CAMK1G: variants seen among roughly 807,000 people sequenced by gnomAD.
The protein encoded by CAMK1G is calcium/calmodulin-dependent protein kinase type 1G.
Under a neutral mutation model 54.8 loss-of-function variants are expected in CAMK1G, and 27 were observed. The ratio of observed to expected loss-of-function variants is 0.49; its 90% CI spans 0.36 to 0.68. The LOEUF (loss-of-function observed/expected upper bound fraction) is 0.68, where lower values mean the gene tolerates loss of function less well. Among genes scored for constraint, CAMK1G ranks in the 30% least tolerant of loss-of-function variants. CAMK1G has a pLI of 0.00. For synonymous variants in CAMK1G, 238 were observed against 224.9 expected, an observed-to-expected ratio of 1.06 and a Z score of -0.52; for missense variants, 512 against 591.0, an observed-to-expected ratio of 0.87 and a Z score of 1.39.
chr1:209,599,886 T>A, intron 2 of CAMK1G, 97 bp from the exon 3 acceptor site: 1 of 1,431,558 alleles, frequency 7.0e-7, no homozygotes, highest in South Asian at 1.2e-5. Context: ...GTCAGAGGAC[T>A]ATATAGACTC....
chr1:209,607,838 C>T lies in CAMK1G; in HGVS notation c.560-20C>T, dbSNP rs758658140. On this transcript the variant is annotated intron_variant, in intron 6 of 12. Coordinates refer to ENST00000361322, the MANE Select transcript of CAMK1G (RefSeq NM_020439.3). ...TCTCCTCTTGCCACCAGCCCTGACT[C>T]TGCCCTTGGTCTGCTGCAGCTCCAG... The T allele has an allele frequency of 1.3e-5, 21 of 1,608,474 alleles. No individual in the cohort carries two copies. Among genetic ancestry groups the T allele is most frequent in the Middle Eastern group, 1.7e-4 (1 of 6,048 alleles).
At chr1:209,599,802 C>T (rs1558138220) in intron 2 of CAMK1G, among the ~76,000 whole-genome samples, 181 bp from the exon 3 acceptor site, 1 of 152,150 alleles carries the variant, frequency 6.6e-6, no homozygotes, top group Non-Finnish European at 1.5e-5. Context: ...AATACAGGTT[C>T]CCCCCTTCCC....
intron 1 of CAMK1G, among the ~76,000 whole-genome samples, chr1:209,590,336 C>T (rs977110843): frequency 2.0e-5 from 3 of 152,066 alleles, no homozygotes; most frequent in South Asian, 4.2e-4. Flanking sequence ...AGTCTTGAGG[C>T]GATCACTCTG....
intron 1 of CAMK1G, among the ~76,000 whole-genome samples, chr1:209,588,448 TC>T (rs1363470305): frequency 1.3e-5 from 2 of 152,052 alleles, no homozygotes; most frequent in Non-Finnish European, 2.9e-5. Context: ...AACGTGATGC[TC>T]CTAAGACTCT....
chr1:209,604,932 T>A (rs1320824826), intron 4 of CAMK1G, among the ~76,000 whole-genome samples: 1 of 152,106 alleles, frequency 6.6e-6, no homozygotes, highest in Admixed American at 6.5e-5. Flanking sequence ...ACTAGAAAAC[T>A]TCTAGGCAAA....
chr1:209,594,955 C>T lies in CAMK1G; in HGVS notation c.-29C>T. On this transcript the variant is annotated splice_region_variant and 5_prime_UTR_variant, in exon 2 of 13. Transcript: ENST00000361322. ...CCTTCTCCCACTCCCTGCAATAAAG[C>T]ATCCTCAGAAGCTTCAACTCTGGAG... 6.3e-7 allele frequency: 1 copy of T among 1,599,316 alleles called. No homozygotes were observed.
At chr1:209,584,236 C>T (rs1665037444) in intron 1 of CAMK1G, among the ~76,000 whole-genome samples, 1 of 152,164 alleles carries the variant, frequency 6.6e-6, no homozygotes, top group African/African-American at 2.4e-5. Context: ...TATGCCCTCT[C>T]TGCCGACCTC....
intron 4 of CAMK1G, among the ~76,000 whole-genome samples, chr1:209,604,076 ACT>A (rs1665590120): frequency 3.3e-5 from 5 of 152,222 alleles, no homozygotes; most frequent in Admixed American, 3.3e-4. Context: ...ACATACACGC[ACT>A]CACACACCAC....
Position 209,595,011 on chromosome 1 carries a change from A to C in CAMK1G, c.28A>C (p.Ser10Arg). The change falls in exon 2 of 13, where the codon AGT becomes CGT. Residue 10 changes from serine (S) to arginine (R), a missense_variant. Ser to Arg is a moderately radical substitution (Grantham distance 110, BLOSUM62 -1). Transcript: ENST00000361322. MGRKEEDDC[S>R]SWKKQTTNIR... ...GGGTCGAAAGGAAGAAGATGACTGC[A>C]GTTCCTGGAAGAAACAGACCACCAA... 1 of 1,614,120 alleles carries C rather than the reference A, an allele frequency of 6.2e-7. No homozygotes were observed. Among genetic ancestry groups the C allele is most frequent in the Non-Finnish European group, 8.5e-7 (1 of 1,180,004 alleles).
At position 209,607,872 on chromosome 1, in the gene CAMK1G, G is replaced by T. The variant is rs1665689594; in HGVS notation, c.574G>T (p.Ala192Ser). ...GTCTGCTGCAGCTCCAGAAGTGCTGGCCCAGAAACCCTACAGCAAGGCTGT... is the reference window on the plus strand; with the variant it reads ...GTCTGCTGCAGCTCCAGAAGTGCTGTCCCAGAAACCCTACAGCAAGGCTGT... ...TPGYVAPEVL[A>S]QKPYSKAVDC... Residue 192 changes from alanine to serine, a missense_variant, in exon 7 of 13, where the codon GCC (alanine) becomes TCC (serine). Physicochemically the swap from Ala to Ser is moderately conservative, Grantham distance 99. Coordinates refer to ENST00000361322, the MANE Select transcript of CAMK1G (RefSeq NM_020439.3). 1 of 1,613,258 alleles carries T rather than the reference G, an allele frequency of 6.2e-7. No individual in the cohort carries two copies.
Position 209,599,986 on chromosome 1 carries a change from A to C in CAMK1G, c.96A>C (p.Gly32=), listed in dbSNP as rs202209908. The C allele has an allele frequency of 3.2e-5, 52 of 1,613,286 alleles. No individual in the cohort carries two copies. Among genetic ancestry groups the C allele is most frequent in the Admixed American group, 5.0e-5 (3 of 60,004 alleles). ...TCTTTTGGTGTCTTCTCCTCAGAGGAGCTTTCTCAGAAGTTTTCCTGGTGA... is the reference window on the plus strand; with the variant it reads ...TCTTTTGGTGTCTTCTCCTCAGAGGCGCTTTCTCAGAAGTTTTCCTGGTGA... The part of the protein sequence containing the change: ...TFIFMEVLGS[G]AFSEVFLVKQ... The change falls in exon 3 of 13, where the codon GGA becomes GGC. Residue 32 remains glycine, a synonymous_variant. Coordinates refer to ENST00000361322, the MANE Select transcript of CAMK1G (RefSeq NM_020439.3).
chr1:209,597,146 A>C (rs1173981908), intron 2 of CAMK1G, among the ~76,000 whole-genome samples: 10 of 152,192 alleles, frequency 6.6e-5, no homozygotes, highest in African/African-American at 2.4e-4. Context: ...CATGGTGGAG[A>C]GTGGACAAGT....
intron 7 of CAMK1G, 87 bp from the exon 8 acceptor site, chr1:209,608,893 A>G: frequency 6.4e-7 from 1 of 1,561,504 alleles, no homozygotes; most frequent in East Asian, 2.2e-5. Flanking sequence ...CCACCTGTGT[A>G]TACAGTGGGA....
chr1:209,591,431 A>G (rs1339591452), intron 1 of CAMK1G, among the ~76,000 whole-genome samples: 2 of 151,954 alleles, frequency 1.3e-5, no homozygotes, highest in East Asian at 3.9e-4. Flanking sequence ...ATGTACACCA[A>G]AAAAATGCAG....
intron 1 of CAMK1G, among the ~76,000 whole-genome samples, chr1:209,589,000 A>C (rs1029563818): frequency 3.3e-5 from 5 of 152,148 alleles, no homozygotes; most frequent in African/African-American, 9.7e-5. Context: ...AGAGGCCAGG[A>C]AGTTCATCCA....
chr1:209,594,990 C>T lies in CAMK1G; in HGVS notation c.7C>T (p.Arg3Ter), dbSNP rs140469539. The change falls in exon 2 of 13, where the codon CGA becomes TGA. Residue 3 changes from arginine (R) to a stop codon, truncating the protein, a stop_gained. Coordinates refer to ENST00000361322, the MANE Select transcript of CAMK1G (RefSeq NM_020439.3). LOFTEE classifies it high-confidence loss of function. MG[R>*]KEEDDCSSWK... is the part of the protein sequence containing the mutation. ...AGCTTCAACTCTGGAGGCAATGGGT[C>T]GAAAGGAAGAAGATGACTGCAGTTC... The T allele has an allele frequency of 5.0e-6, 8 of 1,613,438 alleles. No homozygotes were observed. The Admixed American group carries it at 6.7e-5, about 13-fold the overall frequency.
chr1:209,606,096 T>C (rs1366962638), intron 5 of CAMK1G, among the ~76,000 whole-genome samples: 2 of 152,106 alleles, frequency 1.3e-5, no homozygotes, highest in African/African-American at 4.8e-5. Flanking sequence ...AGTATATTAA[T>C]GTTTACAAGA....
At chr1:209,592,518 G>C (rs554629153) in intron 1 of CAMK1G, among the ~76,000 whole-genome samples, 2 of 151,954 alleles carry the variant, frequency 1.3e-5, no homozygotes, top group Non-Finnish European at 2.9e-5. Context: ...CTCCTCCCTC[G>C]AGGCCTCCCC....
At chr1:209,605,452 T>A (rs1665625452) in intron 4 of CAMK1G, 84 bp from the exon 5 acceptor site, 1 of 1,502,722 alleles carries the variant, frequency 6.7e-7, no homozygotes, top group Admixed American at 1.8e-5. Flanking sequence ...TGCAGCTGTG[T>A]CCCCCAAGGC....
Sources: allele counts gnomAD v4.1 joint callset (sites outside exome capture counted in the v4.1 genomes callset), GRCh38; gene constraint gnomAD v4.1.1; transcripts MANE v1.5; gene names NCBI Gene and HGNC (gene_info 2026-07-23, HGNC 2026-07-21).